Variants in EDIL3 observed in about 807,000 individuals in gnomAD.
EDIL3 encodes EGF like and discoidin domains 3, also known as EGF-like repeat and discoidin I-like domain-containing protein 3.
In EDIL3, 37 loss-of-function variants were observed where a neutral mutation model predicts 67.4. The observed-to-expected ratio is 0.55, with a 90% CI of 0.42 to 0.72. EDIL3 has a LOEUF of 0.72. Among genes scored for constraint, EDIL3 ranks in the 30% least tolerant of loss-of-function variants. EDIL3 has a pLI of 0.00. For missense variants in EDIL3, 527 were observed against 586.3 expected (o/e 0.90, Z 1.04); for synonymous variants, 195 against 196.3 (o/e 0.99, Z 0.05).
In EDIL3 at chr5:84,066,527, T is replaced by G; in HGVS notation, c.731A>C (p.Lys244Thr). Residue 244 changes from lysine (K) to threonine (T), a missense_variant, in exon 7 of 11, where the codon AAA becomes ACA. By Grantham distance (78) the Lys-to-Thr change is moderately conservative. This residue lies in a region of EDIL3 where 494 missense variants were observed against 522.5 expected (regional missense o/e 0.95). Coordinates refer to ENST00000296591, the MANE Select transcript of EDIL3 (RefSeq NM_005711.5). Reference protein sequence around the residue: ...AKRIGSPEYIKSYKIAYSNDG... With the variant: ...AKRIGSPEYITSYKIAYSNDG... Reference sequence around the variant, plus strand: ...ATTACTGTAGGCAATTTTGTAGGATTTTATATACTCTGGGCTTCCAATCCT... The same window carrying G: ...ATTACTGTAGGCAATTTTGTAGGATGTTATATACTCTGGGCTTCCAATCCT... The G allele has an allele frequency of 6.2e-7, 1 of 1,613,592 alleles. No homozygotes were observed. Among genetic ancestry groups the G allele is most frequent in the Non-Finnish European group, 8.5e-7 (1 of 1,179,832 alleles).
chr5:84,135,873 A>G (rs985878715), intron 5 of EDIL3, among the ~76,000 whole-genome samples: 1 of 151,492 alleles, frequency 6.6e-6, no homozygotes, highest in Non-Finnish European at 1.5e-5. Context: ...GAGTTTAATT[A>G]TTTTGTGTGG....
intron 10 of EDIL3, among the ~76,000 whole-genome samples, chr5:83,960,008 T>C (rs531659209): frequency 6.6e-6 from 1 of 151,068 alleles, no homozygotes; most frequent in East Asian, 2.0e-4. Context: ...AATTCCTTCT[T>C]CCCCATAAAA....
At chr5:84,076,368 A>G (rs1183482988) in intron 6 of EDIL3, among the ~76,000 whole-genome samples, 1 of 152,212 alleles carries the variant, frequency 6.6e-6, no homozygotes, top group Non-Finnish European at 1.5e-5. Context: ...AAATTTTAAC[A>G]AAAGTAGTTT....
intron 9 of EDIL3, among the ~76,000 whole-genome samples, chr5:84,007,760 C>G (rs1275884428): frequency 6.6e-6 from 1 of 152,126 alleles, no homozygotes; most frequent in Non-Finnish European, 1.5e-5. Context: ...TATGATCCAG[C>G]AATCCTACTG....
At chr5:84,040,152 T>G (rs4585422) in intron 9 of EDIL3, among the ~76,000 whole-genome samples, 1 of 151,986 alleles carries the variant, frequency 6.6e-6, no homozygotes, top group East Asian at 1.9e-4. Flanking sequence ...GGTCCTGTTA[T>G]AGAGTTTAAC....
intron 1 of EDIL3, among the ~76,000 whole-genome samples, chr5:84,365,814 AT>A (rs1374109667): frequency 6.6e-6 from 1 of 152,198 alleles, no homozygotes; most frequent in East Asian, 1.9e-4. Context: ...GAAAATAATA[AT>A]ACCAGATGTT....
chr5:84,219,382 TATGAAAAGGTGCTCATAGCATTG>T (rs1465956141), intron 3 of EDIL3, among the ~76,000 whole-genome samples: 2 of 152,150 alleles, frequency 1.3e-5, no homozygotes, highest in African/African-American at 4.8e-5. Flanking sequence ...CAAGTAGGTC[TATGAAAAGGTGCTCATAGCATTG>T]ATCATCAGAG....
intron 5 of EDIL3, 41 bp downstream of exon 5, chr5:84,137,184 TACACACACACACACAC>T (rs70975542): frequency 2.4e-5 from 22 of 901,772 alleles, no homozygotes; most frequent in Middle Eastern, 2.3e-4. Flanking sequence ...TGTGTATACA[TACACACACACACACAC>T]ACACACACAC....
At chr5:84,375,807 A>G (rs1322630215) in intron 1 of EDIL3, among the ~76,000 whole-genome samples, 1 of 152,234 alleles carries the variant, frequency 6.6e-6, no homozygotes, top group African/African-American at 2.4e-5. Context: ...ATTCTAACAC[A>G]TTAACACTTT....
intron 1 of EDIL3, among the ~76,000 whole-genome samples, chr5:84,323,350 G>C (rs1359842362): frequency 1.3e-5 from 2 of 151,920 alleles, no homozygotes; most frequent in African/African-American, 4.8e-5. Flanking sequence ...TAACAAATTA[G>C]AGTACTGTAA....
At chr5:84,009,924 C>T (rs561779486) in intron 9 of EDIL3, among the ~76,000 whole-genome samples, 83 of 152,340 alleles carry the variant, frequency 5.4e-4, no homozygotes, top group Non-Finnish European at 9.4e-4. Context: ...CCAATTAAGG[C>T]AAGTTGCCTG....
intron 9 of EDIL3, among the ~76,000 whole-genome samples, chr5:84,041,996 A>C (rs1561412417): frequency 6.6e-6 from 1 of 152,112 alleles, no homozygotes; most frequent in Admixed American, 6.6e-5. Flanking sequence ...CATTTACCTT[A>C]AACCCTCTTA....
chr5:84,352,185 T>C (rs942324589), intron 1 of EDIL3, among the ~76,000 whole-genome samples: 1 of 152,082 alleles, frequency 6.6e-6, no homozygotes, highest in African/African-American at 2.4e-5. Flanking sequence ...TATACATTGG[T>C]GAAATGTAAA....
intron 1 of EDIL3, among the ~76,000 whole-genome samples, chr5:84,362,493 C>T (rs1561268868): frequency 6.6e-6 from 1 of 152,096 alleles, no homozygotes; most frequent in Non-Finnish European, 1.5e-5. Flanking sequence ...GTCCAAATGA[C>T]TTCAATATCA....
chr5:84,090,485 G>A (rs1199094370), intron 6 of EDIL3, among the ~76,000 whole-genome samples: 1 of 151,978 alleles, frequency 6.6e-6, no homozygotes, highest in Non-Finnish European at 1.5e-5. Context: ...AAATTCGCTG[G>A]GGGTATCTGC....
At chr5:84,079,521 T>C (rs1746925085) in intron 6 of EDIL3, among the ~76,000 whole-genome samples, 1 of 152,010 alleles carries the variant, frequency 6.6e-6, no homozygotes, top group African/African-American at 2.4e-5. Flanking sequence ...TGACCAGAAG[T>C]AAAGTGTTAA....
chr5:83,962,606 T>A (rs908727900), intron 10 of EDIL3, among the ~76,000 whole-genome samples: 2 of 151,446 alleles, frequency 1.3e-5, no homozygotes, highest in African/African-American at 4.8e-5. Flanking sequence ...TCAAAGTAGA[T>A]CATAAATTTA....
intron 3 of EDIL3, among the ~76,000 whole-genome samples, chr5:84,218,510 C>G (rs1013024643): frequency 1.3e-5 from 2 of 152,148 alleles, no homozygotes; most frequent in Non-Finnish European, 2.9e-5. Flanking sequence ...AACACCAGAC[C>G]GAACAACTAT....
chr5:84,082,705 G>A (rs6878457), intron 6 of EDIL3, among the ~76,000 whole-genome samples: 101,047 of 152,020 alleles, frequency 0.66, 34,441 homozygotes, highest in African/African-American at 0.82. Flanking sequence ...TATGTTCTGA[G>A]AAATAACAAA....
Sources: gnomAD v4.1 joint callset for allele counts (sites outside exome capture counted in the v4.1 genomes callset) on GRCh38, gnomAD v4.1.1 for gene constraint, gnomAD v4.1.1 regional missense constraint, MANE v1.5 for transcripts, NCBI Gene and HGNC (gene_info 2026-07-23, HGNC 2026-07-21) for gene names.